The following ZFPM2 variants were observed in gnomAD, a reference collection of about 807,000 sequenced individuals.
ZFPM2 encodes zinc finger protein, FOG family member 2.
Under a neutral mutation model 98.6 loss-of-function variants are expected in ZFPM2, and 20 were observed. That is an observed-to-expected ratio of 0.20 (90% CI 0.14 to 0.29). ZFPM2 has a LOEUF of 0.29. Among genes scored for constraint, ZFPM2 ranks in the 10% least tolerant of loss-of-function variants. The pLI is 1.00. For missense variants in ZFPM2, 1,310 were observed against 1,388.6 expected (o/e 0.94, Z 0.90); for synonymous variants, 518 against 502.7 (o/e 1.03, Z -0.41).
At chr8:105,696,331 G>A (rs575116986) in intron 5 of ZFPM2, among the ~76,000 whole-genome samples, 1 of 152,214 alleles carries the variant, frequency 6.6e-6, no homozygotes, top group Admixed American at 6.5e-5. Context: ...TTATATGATC[G>A]TGGACATCCT....
chr8:105,431,352 G>C (rs965120963), intron 2 of ZFPM2, among the ~76,000 whole-genome samples: 3 of 152,100 alleles, frequency 2.0e-5, no homozygotes, highest in African/African-American at 7.2e-5. Context: ...GCTTTGCTTG[G>C]TTATTAGAAT....
intron 3 of ZFPM2, among the ~76,000 whole-genome samples, chr8:105,469,156 T>C (rs539533125): frequency 6.6e-6 from 1 of 152,288 alleles, no homozygotes; most frequent in African/African-American, 2.4e-5. Flanking sequence ...TTTTTTCCTA[T>C]TATCTTTGCC....
intron 5 of ZFPM2, among the ~76,000 whole-genome samples, chr8:105,687,171 A>T (rs10087671): frequency 0.26 from 39,589 of 151,852 alleles, 6,193 homozygotes; most frequent in African/African-American, 0.45. Context: ...AAAGCATCAG[A>T]CTCCATCAGC....
intron 6 of ZFPM2, among the ~76,000 whole-genome samples, chr8:105,795,471 G>T (rs572906975): frequency 2.0e-5 from 3 of 151,062 alleles, no homozygotes; most frequent in African/African-American, 7.3e-5. Flanking sequence ...AAAAAATGTG[G>T]TATTCTTTAA....
chr8:105,552,466 G>GAAGCACAC (rs1475682616), intron 3 of ZFPM2, among the ~76,000 whole-genome samples: 10 of 152,150 alleles, frequency 6.6e-5, no homozygotes, highest in African/African-American at 2.4e-4. Flanking sequence ...TGGCAGCAAA[G>GAAGCACAC]AAGCACACTG....
chr8:105,717,319 TA>T (rs1293835565), intron 5 of ZFPM2, among the ~76,000 whole-genome samples: 1 of 152,004 alleles, frequency 6.6e-6, no homozygotes. Flanking sequence ...TAACTCTTTG[TA>T]AGATTTTCCT....
rs147062416 is a variant in ZFPM2, at chr8:105,401,458, T to G, written c.41-17686T>G. ...ATTTTTCTAATAAATTTTCAAAGTTTAAAAGATTTTTAAGATTTCCCATAC... is the reference window on the plus strand; with the variant it reads ...ATTTTTCTAATAAATTTTCAAAGTTGAAAAGATTTTTAAGATTTCCCATAC... On this transcript the variant is annotated intron_variant, in intron 1 of 7. Coordinates refer to ENST00000407775, the MANE Select transcript of ZFPM2 (RefSeq NM_012082.4). Among the ~76,000 whole-genome samples the G allele has an allele frequency of 3.2e-3, 487 of 152,282 alleles. 6 individuals are homozygous for G. Among genetic ancestry groups the G allele is most frequent in the African/African-American group, 0.011 (454 of 41,568 alleles).
At chr8:105,710,817 C>A (rs2130975862) in intron 5 of ZFPM2, among the ~76,000 whole-genome samples, 1 of 151,926 alleles carries the variant, frequency 6.6e-6, no homozygotes, top group African/African-American at 2.4e-5. Context: ...CTTAATTTCT[C>A]TGTGTCTCAG....
At chr8:105,418,854 G>A (rs1563649830) in intron 1 of ZFPM2, 18 of 544,210 alleles carry the variant, frequency 3.3e-5, no homozygotes, top group South Asian at 2.2e-4. Flanking sequence ...CTTAAAGAGC[G>A]AATCAAAAAA....
chr8:105,722,367 C>T (rs1376236162), intron 5 of ZFPM2, among the ~76,000 whole-genome samples: 1 of 151,576 alleles, frequency 6.6e-6, no homozygotes, highest in African/African-American at 2.4e-5. Flanking sequence ...CAATTTCTTC[C>T]TTGGTTATGA....
In ZFPM2 at chr8:105,770,080, A is replaced by G. The variant is rs534147139; in HGVS notation, c.533-18638A>G. ...TTTTCTCAGGCTATAGGCAGAAGAG[A>G]TAGCAGACTGATCTTTTTACTCTCC... On this transcript the variant is annotated intron_variant, in intron 5 of 7. Transcript: ENST00000407775. 3.3e-5 allele frequency among the ~76,000 whole-genome samples: 5 copies of G among 152,098 alleles called. No individual in the cohort carries two copies. In the East Asian group the frequency reaches 7.7e-4, roughly 24 times the overall value.
chr8:105,456,442 C>G (rs1176101836), intron 3 of ZFPM2, among the ~76,000 whole-genome samples: 3 of 151,770 alleles, frequency 2.0e-5, no homozygotes, highest in African/African-American at 7.3e-5. Context: ...AATAAATTTT[C>G]TTGGTAAATT....
At chr8:105,379,412 T>A (rs535411803) in intron 1 of ZFPM2, among the ~76,000 whole-genome samples, 119 of 152,306 alleles carry the variant, frequency 7.8e-4, no homozygotes, top group African/African-American at 2.7e-3. Context: ...GAGGAAATAT[T>A]TACAACTCAT....
intron 5 of ZFPM2, among the ~76,000 whole-genome samples, chr8:105,775,961 T>A (rs1813095578): frequency 6.6e-6 from 1 of 152,138 alleles, no homozygotes; most frequent in Non-Finnish European, 1.5e-5. Context: ...GACAAAACTT[T>A]CTGAGCTTAT....
chr8:105,634,843 C>A (rs1816817373), intron 5 of ZFPM2, among the ~76,000 whole-genome samples: 1 of 152,172 alleles, frequency 6.6e-6, no homozygotes, highest in African/African-American at 2.4e-5. Context: ...AATTCTTCCC[C>A]ATGGTGATTT....
intron 1 of ZFPM2, among the ~76,000 whole-genome samples, chr8:105,388,979 C>G (rs1212623882): frequency 6.7e-6 from 1 of 148,296 alleles, no homozygotes; most frequent in Non-Finnish European, 1.5e-5. Context: ...GAGGAGAGAG[C>G]TAATTTAGAA....
chr8:105,364,985 T>C (rs927771842), intron 1 of ZFPM2, among the ~76,000 whole-genome samples: 1 of 152,106 alleles, frequency 6.6e-6, no homozygotes, highest in African/African-American at 2.4e-5. Flanking sequence ...CACTTCCCCA[T>C]TAAACTTTTC....
chr8:105,493,757 C>G (rs1376381330), intron 3 of ZFPM2, among the ~76,000 whole-genome samples: 3 of 152,124 alleles, frequency 2.0e-5, no homozygotes, highest in Non-Finnish European at 4.4e-5. Flanking sequence ...ACTGACATAT[C>G]TTATGTTGCT....
intron 5 of ZFPM2, among the ~76,000 whole-genome samples, chr8:105,760,122 A>T: frequency 6.6e-6 from 1 of 151,956 alleles, no homozygotes; most frequent in East Asian, 1.9e-4. Flanking sequence ...CTTGGTGGAT[A>T]TGAATGACTT....
Sources: gnomAD v4.1 joint callset for allele counts (sites outside exome capture counted in the v4.1 genomes callset) on GRCh38, gnomAD v4.1.1 for gene constraint, MANE v1.5 for transcripts, NCBI Gene and HGNC (gene_info 2026-07-23, HGNC 2026-07-21) for gene names.